The following PLEKHH2 variants were observed in gnomAD, a reference collection of about 807,000 sequenced individuals.
The protein encoded by PLEKHH2 is pleckstrin homology, MyTH4 and FERM domain containing H2.
Under a neutral mutation model 187.9 loss-of-function variants are expected in PLEKHH2, and 129 were observed. The ratio of observed to expected loss-of-function variants is 0.69; its 90% confidence interval spans 0.59 to 0.79. The LOEUF is 0.79. Among genes scored for constraint, PLEKHH2 ranks in the 30% least tolerant of loss-of-function variants. The probability of loss-of-function intolerance (pLI) is 0.00; values close to 1 mark genes in which losing one functional copy is unlikely to be tolerated. For missense variants in PLEKHH2, 2,076 were observed against 1,751.2 expected, an observed-to-expected ratio of 1.19 and a Z score of -3.31; for synonymous variants, 686 against 605.6, an observed-to-expected ratio of 1.13 and a Z score of -1.95.
chr2:43,680,127 A>G (rs909173059), intron 3 of PLEKHH2, among the ~76,000 whole-genome samples: 3 of 152,124 alleles, frequency 2.0e-5, no homozygotes, highest in Admixed American at 2.0e-4. Context: ...AAAAGATCTC[A>G]GTCATATTCA....
rs775631618 is a variant in PLEKHH2, at chr2:43,758,883, C to G, written c.3942-17C>G. 1 of 1,565,104 alleles carries G rather than the reference C, an allele frequency of 6.4e-7. No individual in the cohort carries two copies. Among genetic ancestry groups the G allele is most frequent in the Non-Finnish European group, 8.7e-7 (1 of 1,155,104 alleles). The stretch of plus-strand genomic sequence containing the variant: ...TTGCTTTAGTGTTTTTGTTTTTGTT[C>G]TTTTCTTTTTTTTTAGGCAGCTTTG... On this transcript the variant is annotated splice_polypyrimidine_tract_variant and intron_variant, in intron 26 of 29. Coordinates refer to ENST00000282406, the MANE Select transcript of PLEKHH2 (RefSeq NM_172069.4).
chr2:43,671,982 T>A (rs1412445856), intron 2 of PLEKHH2, among the ~76,000 whole-genome samples: 2 of 152,226 alleles, frequency 1.3e-5, no homozygotes, highest in African/African-American at 4.8e-5. Context: ...AGAGTTTTTG[T>A]TGAGTTTCTA....
chr2:43,710,319 T>C lies in PLEKHH2; in HGVS notation c.2203T>C (p.Tyr735His). The change falls in exon 13 of 30, where the codon TAC becomes CAC. Residue 735 changes from tyrosine (Y) to histidine (H), a missense_variant. Transcript: ENST00000282406. ...FVLKGGELLYYKSPSDVIRKP... is the reference protein window; with the variant it reads ...FVLKGGELLYHKSPSDVIRKP... The stretch of plus-strand genomic sequence containing the variant: ...TCTTAAAGGTGGTGAATTACTTTAC[T>C]ACAAATCTCCGGTGAGTGGAAAGTG... 6.2e-7 allele frequency: 1 copy of C among 1,613,456 alleles called. No individual in the cohort carries two copies. Among genetic ancestry groups the C allele is most frequent in the Non-Finnish European group, 8.5e-7 (1 of 1,179,394 alleles).
chr2:43,725,164 C>T (rs1670679822), intron 16 of PLEKHH2, among the ~76,000 whole-genome samples: 1 of 152,116 alleles, frequency 6.6e-6, no homozygotes, highest in Non-Finnish European at 1.5e-5. Context: ...CTGTACAGAG[C>T]AGAGTTTTTT....
chr2:43,686,904 A>T (rs534415975), intron 3 of PLEKHH2, among the ~76,000 whole-genome samples: 1 of 152,290 alleles, frequency 6.6e-6, no homozygotes, highest in African/African-American at 2.4e-5. Context: ...GTGTAGCATG[A>T]CATGCAAAGA....
intron 2 of PLEKHH2, among the ~76,000 whole-genome samples, chr2:43,671,466 A>G (rs901894459): frequency 6.6e-6 from 1 of 151,870 alleles, no homozygotes; most frequent in Non-Finnish European, 1.5e-5. Flanking sequence ...TATGCTTTTT[A>G]TTTTTCTTTC....
rs1360095049 is a variant in PLEKHH2, at chr2:43,738,535, T to G, written c.3123+15T>G. The G allele has an allele frequency of 6.3e-7, 1 of 1,585,610 alleles. No homozygotes were observed. The highest frequency in any genetic ancestry group is 1.7e-5 in the Admixed American group (1 of 57,472). On this transcript the variant is annotated intron_variant, in intron 20 of 29. Coordinates refer to ENST00000282406, the MANE Select transcript of PLEKHH2 (RefSeq NM_172069.4). ...GACCATTGCAGGTAGATATTAATAT[T>G]GATACATATACATGCAATTTAAAGT... is the stretch of plus-strand genomic sequence containing the variant.
chr2:43,703,544 T>C (rs1259630207), intron 8 of PLEKHH2, among the ~76,000 whole-genome samples: 1 of 152,198 alleles, frequency 6.6e-6, no homozygotes, highest in Non-Finnish European at 1.5e-5. Flanking sequence ...TAGTAGAATA[T>C]TAAAAGTGGT....
intron 15 of PLEKHH2, among the ~76,000 whole-genome samples, chr2:43,714,712 TA>T (rs1389921911): frequency 6.6e-6 from 1 of 152,182 alleles, no homozygotes; most frequent in Admixed American, 6.5e-5. Flanking sequence ...AACGAAAATG[TA>T]TTACGCAGTT....
chr2:43,688,889 A>G (rs1263305330), intron 3 of PLEKHH2, among the ~76,000 whole-genome samples: 1 of 152,184 alleles, frequency 6.6e-6, no homozygotes, highest in East Asian at 1.9e-4. Flanking sequence ...CTTGGTGTCC[A>G]GGATTTTTAT....
intron 3 of PLEKHH2, among the ~76,000 whole-genome samples, chr2:43,688,679 A>G (rs1668644510): frequency 6.6e-6 from 1 of 152,340 alleles, no homozygotes; most frequent in African/African-American, 2.4e-5. Context: ...TGTTTTGCTC[A>G]TGGTCACCGT....
At position 43,742,770 on chromosome 2, in the gene PLEKHH2, G is replaced by A; in HGVS notation, c.3251G>A (p.Cys1084Tyr). 6.3e-7 allele frequency: 1 copy of A among 1,590,314 alleles called. No individual in the cohort carries two copies. The highest frequency in any genetic ancestry group is 8.5e-7 in the Non-Finnish European group (1 of 1,171,538). ...GAATTTGGAAAATATGCCATTTACT[G>A]CCAGCGTTGTGTAGAAAGAACGCAA... ...RTEFGKYAIY[C>Y]QRCVERTQQN... The change falls in exon 22 of 30, where the codon TGC (cysteine) becomes TAC (tyrosine). Residue 1084 changes from cysteine (C) to tyrosine (Y), a missense_variant. Coordinates refer to ENST00000282406, the MANE Select transcript of PLEKHH2 (RefSeq NM_172069.4).
At chr2:43,713,518 T>C (rs1670066952) in intron 15 of PLEKHH2, among the ~76,000 whole-genome samples, 1 of 152,190 alleles carries the variant, frequency 6.6e-6, no homozygotes. Flanking sequence ...TATAGAAATA[T>C]GATGTATTGT....
chr2:43,718,489 G>A (rs756835242), intron 15 of PLEKHH2, among the ~76,000 whole-genome samples: 1 of 151,568 alleles, frequency 6.6e-6, no homozygotes, highest in Non-Finnish European at 1.5e-5. Flanking sequence ...AGTGAGCTGA[G>A]ATGGCGCCAC....
At chr2:43,747,951 T>A (rs1671845918) in intron 24 of PLEKHH2, among the ~76,000 whole-genome samples, 1 of 152,260 alleles carries the variant, frequency 6.6e-6, no homozygotes, top group South Asian at 2.1e-4. Flanking sequence ...AGTATTCCAG[T>A]ATGTCACAGT....
At chr2:43,696,664 T>C (rs1669106704) in intron 6 of PLEKHH2, among the ~76,000 whole-genome samples, 1 of 152,152 alleles carries the variant, frequency 6.6e-6, no homozygotes, top group Non-Finnish European at 1.5e-5. Flanking sequence ...TCTACTTTTT[T>C]CTCATGGCTG....
At chr2:43,728,217 G>A (rs967643500) in intron 17 of PLEKHH2, among the ~76,000 whole-genome samples, 6 of 151,938 alleles carry the variant, frequency 3.9e-5, no homozygotes, top group East Asian at 1.9e-4. Context: ...TGTGTCTCAC[G>A]CCTGTAATCC....
intron 2 of PLEKHH2, chr2:43,676,099 A>G: frequency 6.2e-7 from 1 of 1,613,888 alleles, no homozygotes; most frequent in East Asian, 2.2e-5. Context: ...GGATTCTCCA[A>G]AGATGATACA....
intron 27 of PLEKHH2, among the ~76,000 whole-genome samples, chr2:43,760,359 CTTTT>C (rs763777313): frequency 8.4e-6 from 1 of 119,072 alleles, no homozygotes. Flanking sequence ...ACCCTTTAAC[CTTTT>C]TTTTTTTTTT....
Sources: allele counts gnomAD v4.1 joint callset (sites outside exome capture counted in the v4.1 genomes callset), GRCh38; gene constraint gnomAD v4.1.1; transcripts MANE v1.5; gene names NCBI Gene and HGNC (gene_info 2026-07-23, HGNC 2026-07-21).